Variants in KCNH7 observed in about 807,000 individuals in gnomAD.
KCNH7 encodes voltage-gated inwardly rectifying potassium channel KCNH7.
Under a neutral mutation model 120.8 loss-of-function variants are expected in KCNH7, and 49 were observed. The ratio of observed to expected loss-of-function variants is 0.41; its 90% CI spans 0.32 to 0.51. The LOEUF (loss-of-function observed/expected upper bound fraction) is 0.51, where lower values mean the gene tolerates loss of function less well. Among genes scored for constraint, KCNH7 ranks in the 20% least tolerant of loss-of-function variants. The pLI is 0.38. For synonymous variants in KCNH7, 547 were observed against 516.1 expected, an observed-to-expected ratio of 1.06 and a Z score of -0.81; for missense variants, 1,097 against 1,446.6, an observed-to-expected ratio of 0.76 and a Z score of 3.92.
chr2:162,746,458 C>T (rs948795836), intron 2 of KCNH7, among the ~76,000 whole-genome samples: 2 of 152,078 alleles, frequency 1.3e-5, no homozygotes, highest in African/African-American at 4.8e-5. Context: ...GTTCTTGTCC[C>T]TAGAGGTTTT....
intron 6 of KCNH7, among the ~76,000 whole-genome samples, chr2:162,470,312 C>T (rs1263911056): frequency 1.3e-5 from 2 of 151,186 alleles, no homozygotes; most frequent in Non-Finnish European, 3.0e-5. Flanking sequence ...AGCGCCTCTG[C>T]CCTAGTGCCC....
chr2:162,638,169 A>G (rs7573145), intron 2 of KCNH7, among the ~76,000 whole-genome samples: 19,295 of 151,984 alleles, frequency 0.13, 2,422 homozygotes, highest in African/African-American at 0.31. Context: ...TTCGAATACC[A>G]AGGATTGTGC....
At chr2:162,523,886 T>A (rs1691613375) in intron 3 of KCNH7, among the ~76,000 whole-genome samples, 1 of 151,962 alleles carries the variant, frequency 6.6e-6, no homozygotes, top group Non-Finnish European at 1.5e-5. Context: ...GAAGCAGTTT[T>A]ATTCCTGCTT....
chr2:162,822,235 T>G (rs1685145674), intron 2 of KCNH7, among the ~76,000 whole-genome samples: 1 of 151,766 alleles, frequency 6.6e-6, no homozygotes, highest in Non-Finnish European at 1.5e-5. Context: ...AGCACGACAC[T>G]CAATAGGCAT....
intron 13 of KCNH7, 89 bp from the exon 14 acceptor site, chr2:162,380,110 G>C: frequency 6.8e-7 from 1 of 1,470,320 alleles, no homozygotes; most frequent in African/African-American, 1.4e-5. Context: ...AGCTGGAAAG[G>C]ATCGGAGTAT....
intron 2 of KCNH7, among the ~76,000 whole-genome samples, chr2:162,821,228 T>C (rs1685111015): frequency 6.6e-6 from 1 of 152,208 alleles, no homozygotes; most frequent in South Asian, 2.1e-4. Context: ...CATTCAACAA[T>C]GAATTCAATC....
chr2:162,831,304 A>C (rs186976374), intron 2 of KCNH7, among the ~76,000 whole-genome samples: 68 of 152,298 alleles, frequency 4.5e-4, no homozygotes, highest in Admixed American at 3.5e-3. Context: ...TGTTTTGGGA[A>C]TAGCTCTCTC....
chr2:162,691,402 A>G (rs571050138), intron 2 of KCNH7, among the ~76,000 whole-genome samples: 1 of 152,162 alleles, frequency 6.6e-6, no homozygotes, highest in Non-Finnish European at 1.5e-5. Context: ...ATTTTTACCT[A>G]TAAACTCAAT....
At chr2:162,684,156 C>G (rs572414493) in intron 2 of KCNH7, among the ~76,000 whole-genome samples, 7 of 152,054 alleles carry the variant, frequency 4.6e-5, no homozygotes, top group Admixed American at 1.3e-4. Flanking sequence ...ATGCAGAAAA[C>G]TGTAACTGGA....
chr2:162,547,072 C>T (rs1247223750), intron 2 of KCNH7, among the ~76,000 whole-genome samples: 1 of 152,070 alleles, frequency 6.6e-6, no homozygotes, highest in African/African-American at 2.4e-5. Context: ...AACTTACAAT[C>T]TTGGTGGAAG....
intron 2 of KCNH7, among the ~76,000 whole-genome samples, chr2:162,722,805 C>CTTTTTTCTTTTTTTT (rs1559100199): frequency 2.5e-5 from 2 of 79,878 alleles, no homozygotes; most frequent in African/African-American, 1.5e-4. Context: ...TTCATTCATT[C>CTTTTTTCTTTTTTTT]TTTTTTTCTT....
At chr2:162,498,362 T>G (rs377330244) in intron 6 of KCNH7, among the ~76,000 whole-genome samples, 26 of 147,784 alleles carry the variant, frequency 1.8e-4, no homozygotes, top group African/African-American at 6.4e-4. Context: ...ATAATTAGCA[T>G]GTGTAAATGC....
At chr2:162,702,031 T>C (rs192103107) in intron 2 of KCNH7, among the ~76,000 whole-genome samples, 1 of 151,816 alleles carries the variant, frequency 6.6e-6, no homozygotes, top group East Asian at 1.9e-4. Flanking sequence ...AAAAAAACTT[T>C]CTATGTTGGT....
At chr2:162,542,780 T>G (rs1692354560) in intron 2 of KCNH7, among the ~76,000 whole-genome samples, 2 of 152,092 alleles carry the variant, frequency 1.3e-5, no homozygotes, top group Admixed American at 6.6e-5. Context: ...ATGGGATGGC[T>G]GGGTCAAATG....
chr2:162,488,882 A>G (rs1690197277), intron 6 of KCNH7, among the ~76,000 whole-genome samples: 1 of 152,176 alleles, frequency 6.6e-6, no homozygotes, highest in South Asian at 2.1e-4. Flanking sequence ...GGTGCTTTTT[A>G]ACAGAATTAC....
intron 2 of KCNH7, among the ~76,000 whole-genome samples, chr2:162,836,014 G>T (rs1316412784): frequency 6.6e-6 from 1 of 152,130 alleles, no homozygotes; most frequent in Non-Finnish European, 1.5e-5. Flanking sequence ...CAAGGTAAAA[G>T]TTCCTATTTA....
At chr2:162,696,156 T>C (rs181312069) in intron 2 of KCNH7, among the ~76,000 whole-genome samples, 2 of 152,272 alleles carry the variant, frequency 1.3e-5, no homozygotes, top group East Asian at 3.9e-4. Context: ...CTTGTAAAAC[T>C]AAGGCTTAGT....
intron 2 of KCNH7, among the ~76,000 whole-genome samples, chr2:162,720,295 T>G (rs2105372141): frequency 8.5e-6 from 1 of 117,036 alleles, no homozygotes. Context: ...TAGTGATGTG[T>G]GATTAAAAAA....
At chr2:162,598,743 T>C (rs6432725) in intron 2 of KCNH7, among the ~76,000 whole-genome samples, 77,420 of 151,846 alleles carry the variant, frequency 0.51, 19,944 homozygotes, top group Middle Eastern at 0.62. Context: ...AAGTTTCATA[T>C]ATAGTATAAA....
Sources: allele counts gnomAD v4.1 joint callset (sites outside exome capture counted in the v4.1 genomes callset), GRCh38; gene constraint gnomAD v4.1.1; transcripts MANE v1.5; gene names NCBI Gene and HGNC (gene_info 2026-07-23, HGNC 2026-07-21).